The following GRIA1 variants were observed in gnomAD, a reference collection of about 807,000 sequenced individuals.
The protein encoded by GRIA1 is glutamate receptor 1.
GRIA1 carries 31 observed loss-of-function variants against 99.2 expected under a neutral mutation model. That is an observed-to-expected ratio of 0.31 (90% CI 0.23 to 0.42). The LOEUF is 0.42. Among genes scored for constraint, GRIA1 ranks in the 10% least tolerant of loss-of-function variants. The probability of loss-of-function intolerance (pLI) is 1.00; values close to 1 mark genes in which losing one functional copy is unlikely to be tolerated. For synonymous variants in GRIA1, 438 were observed against 432.4 expected, an observed-to-expected ratio of 1.01 and a Z score of -0.16; for missense variants, 782 against 1,157.5, an observed-to-expected ratio of 0.68 and a Z score of 4.71.
chr5:153,803,791 C>T (rs1045009209), intron 15 of GRIA1, among the ~76,000 whole-genome samples: 8 of 152,174 alleles, frequency 5.3e-5, no homozygotes, highest in Non-Finnish European at 1.2e-4. Context: ...TCAGTATGCC[C>T]ACTCTTGGAT....
At chr5:153,527,909 G>A (rs1757747902) in intron 2 of GRIA1, among the ~76,000 whole-genome samples, 1 of 152,150 alleles carries the variant, frequency 6.6e-6, no homozygotes, top group Non-Finnish European at 1.5e-5. Flanking sequence ...AAAAGATTTA[G>A]GTTGTCCATC....
intron 11 of GRIA1, among the ~76,000 whole-genome samples, chr5:153,745,404 G>A (rs560249893): frequency 2.6e-5 from 4 of 151,718 alleles, no homozygotes; most frequent in East Asian, 3.9e-4. Flanking sequence ...CCTGGCCAGT[G>A]TGGTGAAACC....
chr5:153,735,288 C>T (rs1196324330), intron 11 of GRIA1, among the ~76,000 whole-genome samples: 1 of 152,186 alleles, frequency 6.6e-6, no homozygotes, highest in Non-Finnish European at 1.5e-5. Context: ...TGAGCGTCAG[C>T]AAGACTCCTG....
intron 12 of GRIA1, among the ~76,000 whole-genome samples, chr5:153,767,965 T>G (rs1167678501): frequency 6.6e-6 from 1 of 152,194 alleles, no homozygotes; most frequent in Non-Finnish European, 1.5e-5. Context: ...GAGGACATAT[T>G]AATTTTCTGC....
chr5:153,533,717 T>TGAAGA (rs1027645530), intron 2 of GRIA1, among the ~76,000 whole-genome samples: 2 of 152,084 alleles, frequency 1.3e-5, no homozygotes, highest in Non-Finnish European at 2.9e-5. Flanking sequence ...TCAAATAAAG[T>TGAAGA]GAAGAGAAGG....
intron 2 of GRIA1, among the ~76,000 whole-genome samples, chr5:153,571,496 T>A (rs1762118003): frequency 6.6e-6 from 1 of 152,214 alleles, no homozygotes; most frequent in South Asian, 2.1e-4. Flanking sequence ...GAATTTCATA[T>A]AATTTTCATG....
At chr5:153,617,179 T>C (rs1189289659) in intron 2 of GRIA1, among the ~76,000 whole-genome samples, 2 of 151,430 alleles carry the variant, frequency 1.3e-5, no homozygotes, top group South Asian at 2.1e-4. Flanking sequence ...GGGATGAGAG[T>C]GAGATTCCTA....
At chr5:153,540,859 T>C (rs1437536735) in intron 2 of GRIA1, among the ~76,000 whole-genome samples, 1 of 152,110 alleles carries the variant, frequency 6.6e-6, no homozygotes, top group African/African-American at 2.4e-5. Flanking sequence ...GGGAAGAATC[T>C]ATACAAGCCT....
chr5:153,755,266 A>T (rs1390746786), intron 11 of GRIA1: 1 of 152,218 alleles, frequency 6.6e-6, no homozygotes, highest in African/African-American at 2.4e-5. Context: ...GTTTCAAAAG[A>T]TCACTCTGGC....
intron 11 of GRIA1, among the ~76,000 whole-genome samples, chr5:153,711,745 G>A (rs1410357461): frequency 6.6e-6 from 1 of 152,128 alleles, no homozygotes; most frequent in Non-Finnish European, 1.5e-5. Context: ...TTACACCCAT[G>A]GCCCCACTTT....
At chr5:153,505,766 G>A (rs947822229) in intron 2 of GRIA1, among the ~76,000 whole-genome samples, 3 of 152,212 alleles carry the variant, frequency 2.0e-5, no homozygotes, top group African/African-American at 7.2e-5. Context: ...TAGCTAGGAA[G>A]ATAGACAATG....
At chr5:153,580,261 A>C (rs1017441470) in intron 2 of GRIA1, among the ~76,000 whole-genome samples, 1 of 152,184 alleles carries the variant, frequency 6.6e-6, no homozygotes, top group Non-Finnish European at 1.5e-5. Flanking sequence ...AATGGAAGGG[A>C]GGTCTCTGTG....
At chr5:153,723,721 A>G (rs578168111) in intron 11 of GRIA1, among the ~76,000 whole-genome samples, 1 of 151,866 alleles carries the variant, frequency 6.6e-6, no homozygotes, top group South Asian at 2.1e-4. Flanking sequence ...AGGCTTGCTT[A>G]GGTAAACAAA....
In GRIA1 at chr5:153,583,264, T is replaced by G. The variant is rs1403517297; in HGVS notation, c.221-63664T>G. On this transcript the variant is annotated intron_variant, in intron 2 of 15. Transcript: ENST00000285900. Reference sequence around the variant, plus strand: ...ACTTTTAGAAGTGGAGTATATTAGGTTCCTAGTGTTTCTGTAACAAAATTC... The same window carrying G: ...ACTTTTAGAAGTGGAGTATATTAGGGTCCTAGTGTTTCTGTAACAAAATTC... 2.0e-5 allele frequency among the ~76,000 whole-genome samples: 3 copies of G among 152,154 alleles called. No individual in the cohort carries two copies. The East Asian group carries it at 5.8e-4, about 29-fold the overall frequency.
In GRIA1 at chr5:153,738,480, T is replaced by C. The variant is rs751225401; in HGVS notation, c.1824-25954T>C. 5.9e-5 allele frequency among the ~76,000 whole-genome samples: 9 copies of C among 152,262 alleles called. No homozygotes were observed. The South Asian group carries it at 1.0e-3, about 18-fold the overall frequency. On this transcript the variant is annotated intron_variant, in intron 11 of 15. Transcript: ENST00000285900. The stretch of plus-strand genomic sequence containing the variant: ...TTCCCTCATAGTGTGAGATGAGGAA[T>C]AAATATAAACATCTTGTAGAATTCC...
rs924878800 is a variant in GRIA1, at chr5:153,667,043, A to G, written c.700-7457A>G. ...GACTTTTCAAACCACAGTTTCCTAT[A>G]ACTACTCTCTCAATGGAGCTGTCAT... On this transcript the variant is annotated intron_variant, in intron 5 of 15. Transcript: ENST00000285900. Among the ~76,000 whole-genome samples the G allele has an allele frequency of 2.6e-5, 4 of 152,202 alleles. No homozygotes were observed. The East Asian group carries it at 7.7e-4, about 29-fold the overall frequency.
intron 11 of GRIA1, among the ~76,000 whole-genome samples, chr5:153,731,849 CTTA>C (rs1761055400): frequency 2.6e-5 from 4 of 152,198 alleles, no homozygotes; most frequent in Admixed American, 2.6e-4. Context: ...GTATCCGGAA[CTTA>C]TTATTCGTTT....
intron 2 of GRIA1, among the ~76,000 whole-genome samples, chr5:153,544,255 G>A (rs1045474286): frequency 6.6e-6 from 1 of 152,144 alleles, no homozygotes; most frequent in African/African-American, 2.4e-5. Flanking sequence ...GGTCTCTGAA[G>A]GCTCAGTCAA....
chr5:153,689,048 A>G (rs2149500388), intron 8 of GRIA1, among the ~76,000 whole-genome samples: 1 of 150,560 alleles, frequency 6.6e-6, no homozygotes, highest in Non-Finnish European at 1.5e-5. Context: ...TTCTTTTTTG[A>G]GGCAGGGTCT....
Sources: gnomAD v4.1 joint callset for allele counts (sites outside exome capture counted in the v4.1 genomes callset) on GRCh38, gnomAD v4.1.1 for gene constraint, MANE v1.5 for transcripts, NCBI Gene and HGNC (gene_info 2026-07-23, HGNC 2026-07-21) for gene names.